Variants in AGPAT3 observed in about 807,000 individuals in gnomAD.
AGPAT3 encodes the protein 1-acylglycerol-3-phosphate O-acyltransferase 3.
In AGPAT3, 5 loss-of-function variants were observed where a neutral mutation model predicts 47.3. The ratio of observed to expected loss-of-function variants is 0.11; its 90% CI spans 0.06 to 0.22. AGPAT3 has a LOEUF of 0.22. Among genes scored for constraint, AGPAT3 ranks in the 10% least tolerant of loss-of-function variants. The pLI, the probability that AGPAT3 is intolerant of heterozygous loss-of-function variation, is 1.00. For synonymous variants in AGPAT3, 212 were observed against 208.3 expected (o/e 1.02, Z -0.15); for missense variants, 315 against 493.0 (o/e 0.64, Z 3.42).
chr21:43,967,932 C>G lies in AGPAT3; in HGVS notation c.179-14C>G, dbSNP rs771837390. ...GGGGTCCTACCAGTGCCAACGCCCT[C>G]CCCCTGTCCGCAGAACTGGTCATGC... On this transcript the variant is annotated splice_polypyrimidine_tract_variant and intron_variant, in intron 3 of 9. Transcript: ENST00000291572. 4 of 1,612,200 alleles carry G rather than the reference C, an allele frequency of 2.5e-6. No homozygotes were observed. The highest frequency in any genetic ancestry group is 1.3e-5 in the African/African-American group (1 of 74,988).
At chr21:43,963,133 A>G (rs1044047203) in intron 3 of AGPAT3, among the ~76,000 whole-genome samples, 48 of 152,234 alleles carry the variant, frequency 3.2e-4, no homozygotes, top group African/African-American at 1.2e-3. Context: ...GGTACACCAG[A>G]CATCAATGTG....
rs2086920973 is a variant in AGPAT3, at chr21:43,922,461, G to A, written c.-49+18442G>A. Among the ~76,000 whole-genome samples the A allele has an allele frequency of 6.6e-6, 1 of 152,000 alleles. No homozygotes were observed. Among genetic ancestry groups the A allele is most frequent in the East Asian group, 1.9e-4 (1 of 5,182 alleles). ...CCCACCCTCAAGGCAGGCAGCGAGT[G>A]GAGGAGAGTCTCCCTGGGACCCTCC... is the stretch of plus-strand genomic sequence containing the variant. On this transcript the variant is annotated intron_variant, in intron 2 of 9. Coordinates refer to ENST00000291572, the MANE Select transcript of AGPAT3 (RefSeq NM_020132.5). The surrounding 1 kb of genome is among the most constrained non-coding windows in gnomAD (Gnocchi z 4.9).
At chr21:43,884,250 C>T (rs932057131) in intron 1 of AGPAT3, among the ~76,000 whole-genome samples, 1 of 144,100 alleles carries the variant, frequency 6.9e-6, no homozygotes. Flanking sequence ...ACCCGCTTCC[C>T]CCTCCTTCCC....
chr21:43,963,421 A>G (rs184387748), intron 3 of AGPAT3, among the ~76,000 whole-genome samples: 10 of 152,298 alleles, frequency 6.6e-5, no homozygotes, highest in African/African-American at 1.7e-4. Context: ...CATCAGAGAC[A>G]AGGAGGAGCC....
chr21:43,915,370 T>C (rs2086704651), intron 2 of AGPAT3, among the ~76,000 whole-genome samples: 1 of 150,756 alleles, frequency 6.6e-6, no homozygotes, highest in African/African-American at 2.4e-5. Flanking sequence ...TGTTTTCTTA[T>C]TTTGTATATT....
chr21:43,901,880 C>T (rs1035353840), intron 1 of AGPAT3, among the ~76,000 whole-genome samples: 1 of 152,146 alleles, frequency 6.6e-6, no homozygotes, highest in African/African-American at 2.4e-5. Context: ...CTTGAAGACA[C>T]AGCACTTTGT....
chr21:43,980,639 C>T (rs1157198787), intron 8 of AGPAT3, among the ~76,000 whole-genome samples: 2 of 152,262 alleles, frequency 1.3e-5, no homozygotes, highest in Non-Finnish European at 2.9e-5. Context: ...CCTGCCACCC[C>T]CACTGCCTCT....
At chr21:43,903,021 G>A (rs1185617053) in intron 1 of AGPAT3, among the ~76,000 whole-genome samples, 1 of 152,230 alleles carries the variant, frequency 6.6e-6, no homozygotes, top group Admixed American at 6.5e-5. Flanking sequence ...TGAATTTGTA[G>A]CTGGGGGACA....
intron 2 of AGPAT3, among the ~76,000 whole-genome samples, chr21:43,907,029 CT>C (rs760824887): frequency 0.091 from 11,739 of 128,790 alleles, 699 homozygotes; most frequent in African/African-American, 0.23. Flanking sequence ...TCTTTTCTTT[CT>C]TTTTTTTTTT....
chr21:43,926,073 T>C (rs2087043710), intron 2 of AGPAT3, among the ~76,000 whole-genome samples: 1 of 152,266 alleles, frequency 6.6e-6, no homozygotes, highest in African/African-American at 2.4e-5. Context: ...AACACATCGT[T>C]AAAGTTAATT....
At chr21:43,941,634 G>T (rs559875430) in intron 2 of AGPAT3, among the ~76,000 whole-genome samples, 36 of 152,330 alleles carry the variant, frequency 2.4e-4, no homozygotes, top group Non-Finnish European at 3.8e-4. Flanking sequence ...AAGGGGGTCG[G>T]TCATTGGTGA....
chr21:43,928,940 G>A (rs1201826102), intron 2 of AGPAT3, among the ~76,000 whole-genome samples: 4 of 152,144 alleles, frequency 2.6e-5, no homozygotes, highest in African/African-American at 9.7e-5. Flanking sequence ...TCAGCTGTGT[G>A]TACCCACCAC....
At chr21:43,902,056 G>A (rs755529976) in intron 1 of AGPAT3, among the ~76,000 whole-genome samples, 52 of 152,106 alleles carry the variant, frequency 3.4e-4, no homozygotes, top group Non-Finnish European at 6.5e-4. Context: ...AACTCATCCC[G>A]AAGAAGCTCA....
chr21:43,927,269 G>T (rs1231038553), intron 2 of AGPAT3, among the ~76,000 whole-genome samples: 1 of 151,990 alleles, frequency 6.6e-6, no homozygotes, highest in Non-Finnish European at 1.5e-5. Flanking sequence ...TTTAATTTTT[G>T]TGGGTACATA....
rs533600645 is a variant in AGPAT3 at position 43,970,621 on chromosome 21, G to T, written c.511-32G>T. ...GACATGCACCCACCCCAGCTGCTCT[G>T]TGGAGTGACCCTGTCTCCGTGTTGA... On this transcript the variant is annotated intron_variant, in intron 5 of 9. Coordinates refer to ENST00000291572, the MANE Select transcript of AGPAT3 (RefSeq NM_020132.5). This position sits in a 1 kb window ranked among gnomAD's most constrained non-coding sequence, Gnocchi z 5.8. 1 of 1,611,302 alleles carries T rather than the reference G, an allele frequency of 6.2e-7. No homozygotes were observed. The highest frequency in any genetic ancestry group is 8.5e-7 in the Non-Finnish European group (1 of 1,178,658).
rs180749180 is a variant in AGPAT3, at chr21:43,976,487, A to G, written c.768-1559A>G. ...AGTGCTGGGATTACAGGCATGAGCC[A>G]CTGTGCCCGGCTGAAAATGAATTTA... On this transcript the variant is annotated intron_variant, in intron 7 of 9. Coordinates refer to ENST00000291572, the MANE Select transcript of AGPAT3 (RefSeq NM_020132.5). 2.4e-4 allele frequency among the ~76,000 whole-genome samples: 37 copies of G among 152,388 alleles called. 1 individual carries two copies. The highest frequency in any genetic ancestry group is 1.4e-3 in the Admixed American group (22 of 15,308).
chr21:43,879,148 G>C (rs553854127), intron 1 of AGPAT3, among the ~76,000 whole-genome samples: 1 of 151,970 alleles, frequency 6.6e-6, no homozygotes, highest in Non-Finnish European at 1.5e-5. Context: ...TCAGGAGTTC[G>C]AGACCAGCCT....
chr21:43,943,296 G>A (rs1043625080), intron 2 of AGPAT3, among the ~76,000 whole-genome samples: 3 of 152,062 alleles, frequency 2.0e-5, no homozygotes, highest in Admixed American at 6.5e-5. Context: ...GGATGATCTC[G>A]ATCTCCTGAC....
intron 5 of AGPAT3, 33 bp downstream of exon 5, chr21:43,969,312 G>T (rs758389002): frequency 2.5e-6 from 4 of 1,609,866 alleles, no homozygotes; most frequent in Admixed American, 1.7e-5. Context: ...TACCCTGCAT[G>T]CCTGGAGGAG....
Sources: allele counts gnomAD v4.1 joint callset (sites outside exome capture counted in the v4.1 genomes callset), GRCh38; gene constraint gnomAD v4.1.1; non-coding constraint Gnocchi (gnomAD v3.1); transcripts MANE v1.5; gene names NCBI Gene and HGNC (gene_info 2026-07-23, HGNC 2026-07-21).